GSAP: variants seen among roughly 807,000 people sequenced by gnomAD.
GSAP encodes the protein gamma-secretase activating protein.
Under a neutral mutation model 131.7 loss-of-function variants are expected in GSAP, and 118 were observed. The ratio of observed to expected loss-of-function variants is 0.90; its 90% CI spans 0.77 to 1.04. The LOEUF is 1.04. Ranked by LOEUF, GSAP falls within the 50% of genes least tolerant of loss-of-function variation. The pLI, the probability that GSAP is intolerant of heterozygous loss-of-function variation, is 0.00. For synonymous variants in GSAP, 381 were observed against 363.4 expected (o/e 1.05, Z -0.55); for missense variants, 1,019 against 1,013.2 (o/e 1.01, Z -0.08).
At chr7:77,331,334 T>C (rs1049437868) in intron 19 of GSAP, among the ~76,000 whole-genome samples, 3 of 152,156 alleles carry the variant, frequency 2.0e-5, no homozygotes, top group Admixed American at 1.3e-4. Context: ...ACATTCTTAG[T>C]GTTGAAGGAT....
chr7:77,397,287 T>G, intron 4 of GSAP, 59 bp downstream of exon 4: 1 of 1,023,494 alleles, frequency 9.8e-7, no homozygotes, highest in Non-Finnish European at 1.5e-6. Context: ...TCTAATACTT[T>G]GAAACTCTTG....
chr7:77,362,114 A>G (rs1794606432), intron 13 of GSAP, among the ~76,000 whole-genome samples: 1 of 152,220 alleles, frequency 6.6e-6, no homozygotes, highest in Non-Finnish European at 1.5e-5. Flanking sequence ...GATACTCACC[A>G]TTGACAACTT....
Position 77,370,469 on chromosome 7 carries a change from CATAA to C in GSAP, c.871+3597_871+3600del, listed in dbSNP as rs1213322915. Among the ~76,000 whole-genome samples the C allele has an allele frequency of 2.6e-5, 4 of 152,042 alleles. No individual in the cohort carries two copies. In the East Asian group the frequency reaches 5.8e-4, roughly 22 times the overall value. On this transcript the variant is annotated intron_variant, in intron 12 of 30. Coordinates refer to ENST00000257626, the MANE Select transcript of GSAP (RefSeq NM_017439.4). ...GAGCAGAGCAGGACTCCATCTCATT[CATAA>C]ATAAATAAATAAAGCAAAGCACCAG...
intron 26 of GSAP, 44 bp downstream of exon 26, chr7:77,320,681 G>A (rs1562893787): frequency 8.9e-7 from 1 of 1,118,934 alleles, no homozygotes; most frequent in Non-Finnish European, 1.4e-6. Context: ...ATATGAAGAA[G>A]AAATAAATTT....
At chr7:77,343,696 C>G (rs1345690262) in intron 19 of GSAP, among the ~76,000 whole-genome samples, 1 of 152,202 alleles carries the variant, frequency 6.6e-6, no homozygotes, top group Non-Finnish European at 1.5e-5. Context: ...CCTACTCCCC[C>G]ACTGACTAAC....
In GSAP at chr7:77,404,634, A is replaced by G; in HGVS notation, c.187-19T>C. ...TATCATCCTAAAAAAAATTAACCAG[A>G]TGTTTATTAAATGTCATTGTTTAGG... On this transcript the variant is annotated intron_variant, in intron 2 of 30. Transcript: ENST00000257626. 1.5e-6 allele frequency: 2 copies of G among 1,353,346 alleles called. No homozygotes were observed. Among genetic ancestry groups the G allele is most frequent in the Non-Finnish European group, 1.1e-6 (1 of 948,582 alleles). The allele number at this position is 1,353,346 out of a possible 1,614,324, so 83.8% of individuals were successfully genotyped here.
At chr7:77,328,791 T>C (rs1257605096) in intron 21 of GSAP, among the ~76,000 whole-genome samples, 154 bp from the exon 22 acceptor site, 1 of 152,174 alleles carries the variant, frequency 6.6e-6, no homozygotes. Flanking sequence ...TTGATCAATG[T>C]AGTGAAAGCC....
rs1378226821 is a variant in GSAP, at chr7:77,374,059, C to G, written c.871+11G>C. The G allele has an allele frequency of 7.0e-7, 1 of 1,418,992 alleles. No individual in the cohort carries two copies. The highest frequency in any genetic ancestry group is 1.2e-5 in the South Asian group (1 of 84,598). 87.9% of individuals were successfully genotyped at this position (1,418,992 alleles called of 1,614,324 possible). On this transcript the variant is annotated intron_variant, in intron 12 of 30. Coordinates refer to ENST00000257626, the MANE Select transcript of GSAP (RefSeq NM_017439.4). ...CGGTTGAATAAATTGATAAATACAA[C>G]CCTAGTTTACCTGTATGGTTGGTAA...
intron 8 of GSAP, 65 bp from the exon 9 acceptor site, chr7:77,377,455 G>T: frequency 6.9e-7 from 1 of 1,439,294 alleles, no homozygotes; most frequent in Non-Finnish European, 9.2e-7. Context: ...AACATATCTG[G>T]AATTCATAAT....
intron 19 of GSAP, chr7:77,331,683 C>T (rs1237499174): frequency 1.3e-5 from 2 of 152,150 alleles, no homozygotes; most frequent in Admixed American, 6.5e-5. Context: ...AAAACTTGCT[C>T]TTTCAGAAGC....
At chr7:77,327,005 C>T (rs1395348216) in intron 22 of GSAP, 1 of 152,230 alleles carries the variant, frequency 6.6e-6, no homozygotes, top group Non-Finnish European at 1.5e-5. Context: ...GCAACTCCTT[C>T]TGGGAGGGCA....
intron 5 of GSAP, 58 bp downstream of exon 5, chr7:77,396,924 A>T: frequency 1.1e-6 from 1 of 872,644 alleles, no homozygotes; most frequent in South Asian, 1.7e-5. Flanking sequence ...TAGTATAATA[A>T]ATCATCTACC....
rs117136460 is a variant in GSAP, at chr7:77,399,335, G to T, written c.244-1920C>A. ...AATATACATTCTCCTAGCTTTCTGG[G>T]TTCAATACATTTGTCAGCTTCCACA... is the stretch of plus-strand genomic sequence containing the variant. On this transcript the variant is annotated intron_variant, in intron 3 of 30. Coordinates refer to ENST00000257626, the MANE Select transcript of GSAP (RefSeq NM_017439.4). Among the ~76,000 whole-genome samples the T allele has an allele frequency of 2.3e-4, 35 of 152,250 alleles. No individual in the cohort carries two copies. In the East Asian group the frequency reaches 6.8e-3, roughly 29 times the overall value.
chr7:77,374,066 T>A lies in GSAP; in HGVS notation c.871+4A>T. ...ATAAATTGATAAATACAACCCTAGT[T>A]TACCTGTATGGTTGGTAAAAACACA... On this transcript the variant is annotated splice_donor_region_variant and intron_variant, in intron 12 of 30. Coordinates refer to ENST00000257626, the MANE Select transcript of GSAP (RefSeq NM_017439.4). 1 of 1,485,176 alleles carries A rather than the reference T, an allele frequency of 6.7e-7. No individual in the cohort carries two copies. The highest frequency in any genetic ancestry group is 9.4e-7 in the Non-Finnish European group (1 of 1,068,124). 92.0% of individuals were successfully genotyped at this position (1,485,176 alleles called of 1,614,324 possible).
intron 3 of GSAP, among the ~76,000 whole-genome samples, chr7:77,404,076 T>C (rs879578119): frequency 1.3e-5 from 2 of 152,228 alleles, no homozygotes; most frequent in Non-Finnish European, 2.9e-5. Flanking sequence ...TATTCTGTCA[T>C]ACTCAATCGA....
intron 19 of GSAP, among the ~76,000 whole-genome samples, chr7:77,331,288 G>A (rs190973379): frequency 6.6e-5 from 10 of 152,266 alleles, no homozygotes; most frequent in South Asian, 4.1e-4. Flanking sequence ...GTGACAGAGC[G>A]AGACTCCGTC....
intron 9 of GSAP, 49 bp downstream of exon 9, chr7:77,377,237 T>TTAAAAAAAAAAAAAA: frequency 3.4e-6 from 3 of 891,784 alleles, no homozygotes; most frequent in South Asian, 7.0e-5. Flanking sequence ...AATATTTTTG[T>TTAAAAAAAAAAAAAA]AAAAAAAAAA....
chr7:77,311,470 G>C, intron 30 of GSAP, 21 bp from the exon 31 acceptor site: 11 of 1,409,256 alleles, frequency 7.8e-6, no homozygotes, highest in Non-Finnish European at 1.1e-5. Flanking sequence ...ATGGGGAGAG[G>C]GCAGGGAAAA....
chr7:77,351,428 G>A, intron 18 of GSAP: 1 of 977,470 alleles, frequency 1.0e-6, no homozygotes, highest in Non-Finnish European at 1.2e-6. Context: ...TAAGGTTGTA[G>A]CATTAAGAAC....
Sources: allele counts gnomAD v4.1 joint callset (sites outside exome capture counted in the v4.1 genomes callset), GRCh38; gene constraint gnomAD v4.1.1; transcripts MANE v1.5; gene names NCBI Gene and HGNC (gene_info 2026-07-23, HGNC 2026-07-21).